The following CRIM1 variants were observed in gnomAD, a reference collection of about 807,000 sequenced individuals.
The protein encoded by CRIM1 is cysteine-rich motor neuron 1 protein.
Under a neutral mutation model 116.4 loss-of-function variants are expected in CRIM1, and 32 were observed. That is an observed-to-expected ratio of 0.27 (90% CI 0.21 to 0.37). CRIM1 has a LOEUF of 0.37. Ranked by LOEUF, CRIM1 falls within the 10% of genes least tolerant of loss-of-function variation. The pLI, the probability that CRIM1 is intolerant of heterozygous loss-of-function variation, is 1.00. For missense variants in CRIM1, 1,331 were observed against 1,354.8 expected, an observed-to-expected ratio of 0.98 and a Z score of 0.28; for synonymous variants, 590 against 509.2, an observed-to-expected ratio of 1.16 and a Z score of -2.13.
intron 13 of CRIM1, among the ~76,000 whole-genome samples, chr2:36,525,488 C>T (rs1192857597): frequency 6.6e-6 from 1 of 152,164 alleles, no homozygotes; most frequent in African/African-American, 2.4e-5. Context: ...TATCACCATC[C>T]AGAGGTCACT....
chr2:36,504,713 C>G (rs1681265376), intron 8 of CRIM1, among the ~76,000 whole-genome samples: 1 of 152,200 alleles, frequency 6.6e-6, no homozygotes, highest in African/African-American at 2.4e-5. Flanking sequence ...TAACCTAACA[C>G]TTTGTAGATA....
At chr2:36,534,270 T>G (rs1442396724) in intron 13 of CRIM1, among the ~76,000 whole-genome samples, 53 of 64,398 alleles carry the variant, frequency 8.2e-4, no homozygotes, top group African/African-American at 9.8e-4. Context: ...AAAGAAAGGA[T>G]GGAGGGGACA....
At chr2:36,383,027 G>A (rs1229133253) in intron 1 of CRIM1, among the ~76,000 whole-genome samples, 2 of 152,196 alleles carry the variant, frequency 1.3e-5, no homozygotes, top group Non-Finnish European at 2.9e-5. Context: ...CACAAATTGT[G>A]AGCTTTGTCA....
At chr2:36,418,576 C>T (rs371175975) in intron 2 of CRIM1, among the ~76,000 whole-genome samples, 2 of 152,126 alleles carry the variant, frequency 1.3e-5, no homozygotes, top group East Asian at 1.9e-4. Context: ...GGTGAGCCAC[C>T]GTGCCCAGCC....
intron 2 of CRIM1, among the ~76,000 whole-genome samples, chr2:36,430,977 G>A (rs1162670405): frequency 6.6e-6 from 1 of 152,190 alleles, no homozygotes; most frequent in African/African-American, 2.4e-5. Context: ...CTTCTCTCCA[G>A]AGTGGAGACG....
At chr2:36,395,832 T>C (rs1458460918) in intron 1 of CRIM1, among the ~76,000 whole-genome samples, 3 of 152,182 alleles carry the variant, frequency 2.0e-5, no homozygotes, top group Non-Finnish European at 4.4e-5. Context: ...TGTAACTCTT[T>C]TGGTGGTGTC....
chr2:36,449,681 C>G (rs775693362), intron 4 of CRIM1, among the ~76,000 whole-genome samples: 38 of 152,028 alleles, frequency 2.5e-4, no homozygotes, highest in Admixed American at 1.6e-3. Flanking sequence ...TTCCAAAAGC[C>G]TTTAGAAGGG....
At chr2:36,440,949 C>G (rs1675770921) in intron 2 of CRIM1, among the ~76,000 whole-genome samples, 1 of 152,184 alleles carries the variant, frequency 6.6e-6, no homozygotes, top group African/African-American at 2.4e-5. Flanking sequence ...TTTTCAGATT[C>G]TCCACGCCAT....
intron 7 of CRIM1, among the ~76,000 whole-genome samples, chr2:36,486,208 T>C (rs569805453): frequency 5.3e-5 from 8 of 152,354 alleles, no homozygotes; most frequent in African/African-American, 1.7e-4. Context: ...TAGAAATATG[T>C]ACATTATATG....
At chr2:36,390,230 C>G (rs1424563162) in intron 1 of CRIM1, among the ~76,000 whole-genome samples, 1 of 152,154 alleles carries the variant, frequency 6.6e-6, no homozygotes, top group East Asian at 1.9e-4. Flanking sequence ...AATAAAAAAA[C>G]CTACTCATAT....
intron 1 of CRIM1, among the ~76,000 whole-genome samples, chr2:36,385,588 C>T (rs973870755): frequency 6.6e-6 from 1 of 152,038 alleles, no homozygotes; most frequent in African/African-American, 2.4e-5. Context: ...GGTTAAAGGA[C>T]CATCAGCAGG....
At chr2:36,455,777 G>T (rs918718529) in intron 4 of CRIM1, among the ~76,000 whole-genome samples, 1 of 152,156 alleles carries the variant, frequency 6.6e-6, no homozygotes, top group Non-Finnish European at 1.5e-5. Flanking sequence ...AAACAAATTC[G>T]AGTGGTGCAT....
intron 12 of CRIM1, among the ~76,000 whole-genome samples, chr2:36,520,053 A>G (rs1476634019): frequency 6.6e-6 from 1 of 152,194 alleles, no homozygotes; most frequent in African/African-American, 2.4e-5. Context: ...GGCCCAAAGA[A>G]GGGAGATGCT....
chr2:36,399,170 A>C (rs74537605), intron 2 of CRIM1, among the ~76,000 whole-genome samples: 2,023 of 152,352 alleles, frequency 0.013, 18 homozygotes, highest in Non-Finnish European at 0.024. Flanking sequence ...CCAGATTATG[A>C]AATGTCTTAA....
intron 5 of CRIM1, among the ~76,000 whole-genome samples, chr2:36,469,999 G>A (rs1678364857): frequency 6.6e-6 from 1 of 152,052 alleles, no homozygotes; most frequent in Non-Finnish European, 1.5e-5. Flanking sequence ...CATATTTTTA[G>A]TCTTATAGTA....
intron 2 of CRIM1, among the ~76,000 whole-genome samples, chr2:36,397,830 T>C (rs1672135683): frequency 6.6e-6 from 1 of 152,112 alleles, no homozygotes; most frequent in Non-Finnish European, 1.5e-5. Flanking sequence ...TAGAAAACAA[T>C]AGAAATAACA....
intron 4 of CRIM1, among the ~76,000 whole-genome samples, chr2:36,445,934 C>T (rs1474539234): frequency 6.6e-6 from 1 of 152,026 alleles, no homozygotes; most frequent in African/African-American, 2.4e-5. Context: ...ATATAAGATC[C>T]TATTATGATT....
chr2:36,387,088 A>G (rs1015017137), intron 1 of CRIM1, among the ~76,000 whole-genome samples: 1 of 152,224 alleles, frequency 6.6e-6, no homozygotes, highest in African/African-American at 2.4e-5. Flanking sequence ...TTCATTTTGT[A>G]GACCATTGCT....
chr2:36,534,080 G>A (rs1235836635), intron 13 of CRIM1, among the ~76,000 whole-genome samples: 36 of 144,004 alleles, frequency 2.5e-4, no homozygotes, highest in South Asian at 2.3e-4. Flanking sequence ...GGAGTGGGAA[G>A]GAGAGAGGGG....
Sources: allele counts gnomAD v4.1 joint callset (sites outside exome capture counted in the v4.1 genomes callset), GRCh38; gene constraint gnomAD v4.1.1; transcripts MANE v1.5; gene names NCBI Gene and HGNC (gene_info 2026-07-23, HGNC 2026-07-21).